Variants in GDA observed in about 807,000 individuals in gnomAD.
GDA encodes the protein guanine deaminase.
GDA carries 18 observed loss-of-function variants against 59.6 expected under a neutral mutation model. The ratio of observed to expected loss-of-function variants is 0.30; its 90% CI spans 0.21 to 0.45. The LOEUF (loss-of-function observed/expected upper bound fraction) is 0.45. Among genes scored for constraint, GDA ranks in the 20% least tolerant of loss-of-function variants. The pLI, the probability that GDA is intolerant of heterozygous loss-of-function variation, is 1.00. For synonymous variants in GDA, 201 were observed against 201.1 expected (o/e 1.00, Z 0.00); for missense variants, 427 against 552.3 (o/e 0.77, Z 2.27).
At chr9:72,219,537 G>C (rs370187864) in intron 6 of GDA, 31 bp downstream of exon 6, 4 of 1,546,338 alleles carry the variant, frequency 2.6e-6, no homozygotes, top group African/African-American at 1.4e-5. Flanking sequence ...CTCGCTTTTA[G>C]ATTGCCTTTG....
chr9:72,178,732 A>G (rs1315032025), intron 1 of GDA, among the ~76,000 whole-genome samples: 3 of 151,996 alleles, frequency 2.0e-5, no homozygotes, highest in Admixed American at 1.3e-4. Context: ...ATCGATTTTT[A>G]TGGGCGACTG....
At chr9:72,212,525 C>T (rs1350441725) in intron 4 of GDA, among the ~76,000 whole-genome samples, 1 of 151,924 alleles carries the variant, frequency 6.6e-6, no homozygotes, top group Non-Finnish European at 1.5e-5. Context: ...TAGATAACCA[C>T]ATGCCTGACA....
chr9:72,202,173 C>T (rs75869076), intron 2 of GDA, among the ~76,000 whole-genome samples: 3,938 of 152,278 alleles, frequency 0.026, 167 homozygotes, highest in African/African-American at 0.089. Context: ...TTGCTCAGCA[C>T]GGCTCTAGAA....
intron 1 of GDA, among the ~76,000 whole-genome samples, chr9:72,189,213 T>C (rs1832238279): frequency 7.2e-6 from 1 of 138,314 alleles, no homozygotes; most frequent in Admixed American, 7.5e-5. Context: ...AGGGTTTCAC[T>C]TTGTCACACA....
chr9:72,247,321 G>A (rs2131851341), intron 12 of GDA, 85 bp from the exon 13 acceptor site: 1 of 832,000 alleles, frequency 1.2e-6, no homozygotes, highest in East Asian at 2.4e-5. Flanking sequence ...CGTATTTCTG[G>A]GCTTTGTCAA....
intron 1 of GDA, 81 bp downstream of exon 1, chr9:72,149,763 C>CGG (rs1234043523): frequency 2.1e-6 from 3 of 1,418,354 alleles, no homozygotes; most frequent in African/African-American, 1.5e-5. Flanking sequence ...TCGCGTAGCC[C>CGG]GGGGTTCGCT....
At chr9:72,213,580 G>T (rs1489323328) in intron 4 of GDA, among the ~76,000 whole-genome samples, 1 of 151,670 alleles carries the variant, frequency 6.6e-6, no homozygotes, top group South Asian at 2.1e-4. Flanking sequence ...GAGGCGGGCG[G>T]ATCACAAGGT....
At chr9:72,228,714 C>T (rs2131632063) in intron 9 of GDA, 1 of 152,280 alleles carries the variant, frequency 6.6e-6, no homozygotes, top group South Asian at 2.1e-4. Flanking sequence ...ATGGTGAAAC[C>T]CCATCAGTAT....
chr9:72,171,847 A>T (rs1830014371), intron 1 of GDA, among the ~76,000 whole-genome samples: 1 of 152,206 alleles, frequency 6.6e-6, no homozygotes, highest in Non-Finnish European at 1.5e-5. Context: ...TGTGCCAAGC[A>T]TTCTTTTGAG....
chr9:72,222,432 T>C (rs1837006625), intron 6 of GDA, among the ~76,000 whole-genome samples: 1 of 152,224 alleles, frequency 6.6e-6, no homozygotes, highest in African/African-American at 2.4e-5. Context: ...CTTATAAATT[T>C]GTCTAAGTTC....
At chr9:72,195,448 G>A (rs1309832261) in intron 1 of GDA, 52 bp from the exon 2 acceptor site, 28 of 595,504 alleles carry the variant, frequency 4.7e-5, no homozygotes, top group East Asian at 2.4e-4. Context: ...AAAAACAAAT[G>A]ACTGTGACTC....
At chr9:72,149,006 CA>C (rs1826823010), upstream of GDA, among the ~76,000 whole-genome samples, 1 of 152,202 alleles carries the variant, frequency 6.6e-6, no homozygotes, top group South Asian at 2.1e-4. Flanking sequence ...TTCGGTAAGA[CA>C]TGCTTCCAGA....
downstream of GDA, among the ~76,000 whole-genome samples, chr9:72,259,033 T>C (rs563028920): frequency 2.0e-5 from 3 of 151,820 alleles, no homozygotes; most frequent in South Asian, 6.3e-4. Flanking sequence ...ACTCTTTTTT[T>C]TTTTTTTTTG....
At chr9:72,252,310 T>G (rs912878476), downstream of GDA, 3 of 152,532 alleles carry the variant, frequency 2.0e-5, no homozygotes, top group African/African-American at 7.2e-5. Context: ...AATGTTTTTC[T>G]TCTTTTAGCA....
At chr9:72,215,390 G>A (rs1835977294) in intron 5 of GDA, among the ~76,000 whole-genome samples, 1 of 152,078 alleles carries the variant, frequency 6.6e-6, no homozygotes, top group African/African-American at 2.4e-5. Context: ...ATCTTTTATT[G>A]TTTTCTCAAG....
At chr9:72,133,966 G>T (rs944054572) in intron 1 of GDA, among the ~76,000 whole-genome samples, 4 of 152,164 alleles carry the variant, frequency 2.6e-5, no homozygotes, top group African/African-American at 9.7e-5. Context: ...GTTACACATT[G>T]AACTCTCCCT....
chr9:72,214,282 T>A (rs1435411107), intron 5 of GDA, among the ~76,000 whole-genome samples: 2 of 149,972 alleles, frequency 1.3e-5, no homozygotes, highest in African/African-American at 4.8e-5. Flanking sequence ...TTATTTATTT[T>A]TATTTTTTTT....
chr9:72,136,633 A>G (rs1369600207), intron 1 of GDA, among the ~76,000 whole-genome samples: 1 of 152,198 alleles, frequency 6.6e-6, no homozygotes, highest in African/African-American at 2.4e-5. Context: ...AGAAAGTGCT[A>G]CCTAGCACAA....
intron 2 of GDA, chr9:72,197,703 A>C (rs1833362935): frequency 1.3e-5 from 2 of 152,164 alleles, no homozygotes; most frequent in Admixed American, 6.5e-5. Context: ...TTAGTAGAAG[A>C]CTGAAGTCTT....
Sources: gnomAD v4.1 joint callset for allele counts (sites outside exome capture counted in the v4.1 genomes callset) on GRCh38, gnomAD v4.1.1 for gene constraint, MANE v1.5 for transcripts, NCBI Gene and HGNC (gene_info 2026-07-23, HGNC 2026-07-21) for gene names.